Variants in KNDC1 observed in about 807,000 individuals in gnomAD.
KNDC1 encodes the protein kinase non-catalytic C-lobe domain containing 1.
A neutral mutation model predicts 172.8 loss-of-function variants in KNDC1; 106 were observed. The ratio of observed to expected loss-of-function variants is 0.61; its 90% CI spans 0.52 to 0.72. KNDC1 has a LOEUF of 0.72. Among genes scored for constraint, KNDC1 ranks in the 30% least tolerant of loss-of-function variants. The pLI is 0.00. For synonymous variants in KNDC1, 1,083 were observed against 1,062.2 expected (o/e 1.02, Z -0.38); for missense variants, 2,325 against 2,394.5 (o/e 0.97, Z 0.61).
rs761712615 is a variant in KNDC1, at chr10:133,224,866, G to A, written c.5226G>A (p.Arg1742=). 4.3e-6 allele frequency: 7 copies of A among 1,613,768 alleles called. No individual in the cohort carries two copies. Among genetic ancestry groups the A allele is most frequent in the Non-Finnish European group, 5.9e-6 (7 of 1,179,894 alleles). ...KHSRKIQDKL[R]RMKATFQ Reference sequence around the variant, plus strand: ...CACGGAAGATTCAGGACAAGCTACGGAGGATGAAGGCTACATTCCAGTAGC... The same window carrying A: ...CACGGAAGATTCAGGACAAGCTACGAAGGATGAAGGCTACATTCCAGTAGC... Residue 1742 remains arginine (R), a synonymous_variant, in exon 30 of 30, where the codon CGG becomes CGA. Transcript: ENST00000304613. This position sits in a 1 kb window ranked among gnomAD's most constrained non-coding sequence, Gnocchi z 5.4.
At chr10:133,173,557 A>ATTGG (rs1853438237) in intron 3 of KNDC1, among the ~76,000 whole-genome samples, 2 of 151,978 alleles carry the variant, frequency 1.3e-5, no homozygotes, top group African/African-American at 2.4e-5. Context: ...ATGTGAACAG[A>ATTGG]TTGGTTTTTT....
At chr10:133,199,365 C>G in intron 14 of KNDC1, 93 bp from the exon 15 acceptor site, 1 of 1,566,992 alleles carries the variant, frequency 6.4e-7, no homozygotes, top group Non-Finnish European at 8.7e-7. Context: ...GCCCCCCAGC[C>G]GAGATCAGCC....
chr10:133,204,977 C>T (rs1176019505), intron 17 of KNDC1, among the ~76,000 whole-genome samples: 5 of 152,330 alleles, frequency 3.3e-5, no homozygotes, highest in Admixed American at 1.3e-4. Flanking sequence ...CCCATGGACC[C>T]CCAAGACTTC....
intron 3 of KNDC1, among the ~76,000 whole-genome samples, chr10:133,169,886 G>T (rs181424006): frequency 6.6e-6 from 1 of 152,320 alleles, no homozygotes; most frequent in Admixed American, 6.5e-5. Flanking sequence ...GGCCGTGCCC[G>T]GTCCCCCTAC....
intron 10 of KNDC1, among the ~76,000 whole-genome samples, chr10:133,196,574 T>C (rs570826450): frequency 4.6e-5 from 7 of 152,302 alleles, no homozygotes; most frequent in African/African-American, 1.2e-4. Context: ...CCTGTGGGCC[T>C]CTCAGGCCTC....
intron 7 of KNDC1, 54 bp downstream of exon 7, chr10:133,188,707 C>A: frequency 1.2e-6 from 1 of 803,082 alleles, no homozygotes; most frequent in Non-Finnish European, 1.8e-6. Context: ...CACTGCTGTT[C>A]CACCCCCCAC....
chr10:133,183,128 G>A (rs528155687), intron 3 of KNDC1, among the ~76,000 whole-genome samples: 58 of 149,412 alleles, frequency 3.9e-4, no homozygotes, highest in African/African-American at 1.1e-3. Flanking sequence ...AAGTGTGGGC[G>A]GTATGGGTGT....
intron 16 of KNDC1, 59 bp from the exon 17 acceptor site, chr10:133,201,442 T>C: frequency 6.6e-7 from 1 of 1,514,662 alleles, no homozygotes; most frequent in Non-Finnish European, 8.9e-7. Flanking sequence ...ATTAACAGCC[T>C]GCCCGGGCTC....
At chr10:133,180,492 A>G (rs1246753143) in intron 3 of KNDC1, among the ~76,000 whole-genome samples, 2 of 152,272 alleles carry the variant, frequency 1.3e-5, no homozygotes, top group Non-Finnish European at 2.9e-5. Context: ...TTCACACCCC[A>G]GAGAGTGAGG....
rs1456970084 is a variant in KNDC1, at chr10:133,199,514, T to C, written c.2815T>C (p.Ser939Pro). The C allele has an allele frequency of 6.2e-7, 1 of 1,613,812 alleles. No homozygotes were observed. The highest frequency in any genetic ancestry group is 1.3e-5 in the African/African-American group (1 of 74,946). ...LTFATFCGAISEKFCDLYWDE... is the reference protein window; with the variant it reads ...LTFATFCGAIPEKFCDLYWDE... Reference sequence around the variant, plus strand: ...CTTTGCCACTTTCTGTGGCGCCATTTCCGAGAAGTTCTGTGACCTGTACTG... The same window carrying C: ...CTTTGCCACTTTCTGTGGCGCCATTCCCGAGAAGTTCTGTGACCTGTACTG... The change falls in exon 15 of 30, where the codon TCC (serine) becomes CCC (proline). Residue 939 changes from serine to proline, a missense_variant. By Grantham distance (74) the Ser-to-Pro change is moderately conservative. Coordinates refer to ENST00000304613, the MANE Select transcript of KNDC1 (RefSeq NM_152643.8).
intron 10 of KNDC1, among the ~76,000 whole-genome samples, chr10:133,196,723 G>A (rs1854201579): frequency 6.6e-6 from 1 of 152,180 alleles, no homozygotes; most frequent in Admixed American, 6.5e-5. Flanking sequence ...TATAAAGGGA[G>A]GACAGGAGTG....
chr10:133,169,487 T>A (rs1003388361), intron 3 of KNDC1, among the ~76,000 whole-genome samples: 1 of 152,224 alleles, frequency 6.6e-6, no homozygotes, highest in African/African-American at 2.4e-5. Flanking sequence ...AGTTTTGGGA[T>A]GGCTTCCCGC....
chr10:133,199,407 A>T (rs1305070250), intron 14 of KNDC1, 51 bp from the exon 15 acceptor site: 3 of 1,597,992 alleles, frequency 1.9e-6, no homozygotes, highest in Non-Finnish European at 2.6e-6. Context: ...AGGGAACCAG[A>T]TGAGCAGCCC....
At chr10:133,183,812 G>A (rs887230131) in intron 4 of KNDC1, 60 bp from the exon 5 acceptor site, 2 of 1,333,416 alleles carry the variant, frequency 1.5e-6, no homozygotes, top group Admixed American at 2.1e-5. Flanking sequence ...TGTCGGGTGG[G>A]TGGCTGCGGG....
intron 6 of KNDC1, among the ~76,000 whole-genome samples, chr10:133,187,499 CG>C (rs1307823283): frequency 6.6e-6 from 1 of 152,228 alleles, no homozygotes; most frequent in East Asian, 1.9e-4. Context: ...GCGCCTGGCC[CG>C]GGGACGGGGG....
In KNDC1 at chr10:133,212,856, G is replaced by A; in HGVS notation, c.4377G>A (p.Lys1459=). The change falls in exon 24 of 30, where the codon AAG becomes AAA. Residue 1459 remains lysine, a synonymous_variant. Transcript: ENST00000304613. ...GCCCCTGCGCCAAGACCAGTGAGAA[G>A]GGGCCCTACTTCCTGACGGAGTACA... is the stretch of plus-strand genomic sequence containing the variant. ...FYGPCAKTSE[K]GPYFLTEYST... The A allele has an allele frequency of 6.2e-7, 1 of 1,614,008 alleles. No individual in the cohort carries two copies.
chr10:133,212,360 C>T (rs1001436818), intron 23 of KNDC1, among the ~76,000 whole-genome samples: 2 of 152,260 alleles, frequency 1.3e-5, no homozygotes, highest in African/African-American at 4.8e-5. Flanking sequence ...CCAGGCAGCC[C>T]TGCTGCGCTG....
chr10:133,186,010 C>T lies in KNDC1; in HGVS notation c.662C>T (p.Pro221Leu), dbSNP rs2135978285. 1 of 1,560,724 alleles carries T rather than the reference C, an allele frequency of 6.4e-7. No individual in the cohort carries two copies. The highest frequency in any genetic ancestry group is 2.5e-5 in the East Asian group (1 of 40,012). Residue 221 changes from proline (P) to leucine (L), a missense_variant, in exon 6 of 30, where the codon CCA becomes CTA. Transcript: ENST00000304613. ...SESSWRERPA[P>L]GNAGPRRPPG... Reference sequence around the variant, plus strand: ...AGCAGCTGGCGGGAGAGACCTGCCCCAGGAAACGCTGGGCCCAGGAGGCCG... The same window carrying T: ...AGCAGCTGGCGGGAGAGACCTGCCCTAGGAAACGCTGGGCCCAGGAGGCCG...
At chr10:133,177,952 G>T (rs1261427679) in intron 3 of KNDC1, among the ~76,000 whole-genome samples, 1 of 149,728 alleles carries the variant, frequency 6.7e-6, no homozygotes, top group Non-Finnish European at 1.5e-5. Context: ...GACACGTGTA[G>T]CATGATGTAT....
Sources: allele counts gnomAD v4.1 joint callset (sites outside exome capture counted in the v4.1 genomes callset), GRCh38; gene constraint gnomAD v4.1.1; non-coding constraint Gnocchi (gnomAD v3.1); transcripts MANE v1.5; gene names NCBI Gene and HGNC (gene_info 2026-07-23, HGNC 2026-07-21).